Variants in GPC4 observed in about 807,000 individuals in gnomAD.
The protein encoded by GPC4 is glypican-4.
A neutral mutation model predicts 35.0 loss-of-function variants in GPC4; 10 were observed. That is an observed-to-expected ratio of 0.29 (90% CI 0.18 to 0.48). The LOEUF is 0.48. GPC4 is among the 20% of genes least tolerant of loss of function. GPC4 has a pLI of 0.99. For synonymous variants in GPC4, 167 were observed against 170.2 expected, an observed-to-expected ratio of 0.98 and a Z score of 0.15; for missense variants, 322 against 451.3, an observed-to-expected ratio of 0.71 and a Z score of 2.60.
chrX:133,345,440 C>A (rs1441016219), intron 1 of GPC4, among the ~76,000 whole-genome samples: 5 of 112,295 alleles, frequency 4.5e-5, no homozygotes, highest in Non-Finnish European at 7.5e-5. Context: ...AAAAGCAGCA[C>A]CTTGTTAAGT....
intron 1 of GPC4, among the ~76,000 whole-genome samples, chrX:133,397,405 T>C (rs1230020533): frequency 1.8e-5 from 2 of 110,075 alleles, no homozygotes; most frequent in Non-Finnish European, 3.8e-5. Flanking sequence ...AAAAAATATA[T>C]AATTAGCCAG....
chrX:133,339,566 T>C (rs999773918), intron 1 of GPC4, among the ~76,000 whole-genome samples: 1 of 112,137 alleles, frequency 8.9e-6, no homozygotes, highest in South Asian at 3.7e-4. Flanking sequence ...ATCAGAGAGA[T>C]GGCTAAACCA....
At chrX:133,356,587 A>G (rs867531163) in intron 1 of GPC4, among the ~76,000 whole-genome samples, 1 of 110,877 alleles carries the variant, frequency 9.0e-6, no homozygotes, top group Admixed American at 9.6e-5. Flanking sequence ...GTTGGCAAAG[A>G]GCTTGGCACC....
At chrX:133,391,895 A>T (rs1378107475) in intron 1 of GPC4, among the ~76,000 whole-genome samples, 2 of 111,736 alleles carry the variant, frequency 1.8e-5, no homozygotes, top group Non-Finnish European at 3.8e-5. Flanking sequence ...ACAAACGACA[A>T]TCTAGGGAAG....
At chrX:133,402,719 C>A (rs1264173941) in intron 1 of GPC4, among the ~76,000 whole-genome samples, 1 of 110,663 alleles carries the variant, frequency 9.0e-6, no homozygotes, top group Non-Finnish European at 1.9e-5. Context: ...GCCTGGCTAA[C>A]ACGGTGAAAC....
intron 2 of GPC4, among the ~76,000 whole-genome samples, chrX:133,335,805 TAGAA>T (rs2068440465): frequency 8.9e-6 from 1 of 112,148 alleles, no homozygotes; most frequent in Non-Finnish European, 1.9e-5. Context: ...ATTTCTACCT[TAGAA>T]AGAAGTGGTA....
chrX:133,399,494 T>C (rs1251296436), intron 1 of GPC4, among the ~76,000 whole-genome samples: 1 of 111,775 alleles, frequency 8.9e-6, no homozygotes, highest in Non-Finnish European at 1.9e-5. Flanking sequence ...ATACTTCCTC[T>C]GAGTTTCCTG....
chrX:133,353,400 C>T (rs2068525352), intron 1 of GPC4, among the ~76,000 whole-genome samples: 1 of 111,986 alleles, frequency 8.9e-6, no homozygotes, highest in Admixed American at 9.5e-5. Flanking sequence ...AAATCTGGCC[C>T]ACAGACAAGC....
intron 1 of GPC4, among the ~76,000 whole-genome samples, chrX:133,388,429 G>A (rs1049597579): frequency 3.6e-5 from 4 of 112,123 alleles, no homozygotes; most frequent in African/African-American, 6.5e-5. Context: ...CTGAGCCCCT[G>A]TACTATATGT....
At chrX:133,412,139 A>G (rs1405269123) in intron 1 of GPC4, among the ~76,000 whole-genome samples, 3 of 111,772 alleles carry the variant, frequency 2.7e-5, no homozygotes, top group African/African-American at 9.8e-5. Context: ...TCCCCATCCC[A>G]GGCAAAGTGC....
intron 1 of GPC4, among the ~76,000 whole-genome samples, chrX:133,372,406 T>C (rs1054606617): frequency 5.5e-5 from 6 of 109,824 alleles, no homozygotes; most frequent in African/African-American, 1.7e-4. Flanking sequence ...TCATGCCAGC[T>C]CTGAAAAGAG....
rs966660636 is a variant in GPC4 at position 133,339,127 on chromosome X, A to T, written c.319+56T>A. On this transcript the variant is annotated intron_variant, in intron 2 of 8. Coordinates refer to ENST00000370828, the MANE Select transcript of GPC4 (RefSeq NM_001448.3). ...CACTGAGGGAGCAGAGGAGCTGTGAAAAAGCTACAGTACAGACCTAACTGC... is the reference window on the plus strand; with the variant it reads ...CACTGAGGGAGCAGAGGAGCTGTGATAAAGCTACAGTACAGACCTAACTGC... 30 of 1,137,228 alleles carry T rather than the reference A, an allele frequency of 2.6e-5. No individual in the cohort carries two copies. The African/African-American group carries it at 4.9e-4, about 18-fold the overall frequency. 93.7% of individuals were successfully genotyped at this position (1,137,228 alleles called of 1,213,427 possible).
chrX:133,319,759 T>C (rs934703818), intron 3 of GPC4, among the ~76,000 whole-genome samples: 1 of 111,648 alleles, frequency 9.0e-6, no homozygotes, highest in African/African-American at 3.3e-5. Context: ...ATTAATCAAA[T>C]GAATTTTTCA....
chrX:133,306,436 T>C (rs1007986924), intron 4 of GPC4, among the ~76,000 whole-genome samples: 2 of 111,479 alleles, frequency 1.8e-5, no homozygotes, highest in East Asian at 2.8e-4. Context: ...ATACTGATTA[T>C]TCGTGTGTCA....
intron 1 of GPC4, among the ~76,000 whole-genome samples, chrX:133,396,991 G>C (rs984558188): frequency 8.9e-6 from 1 of 112,044 alleles, no homozygotes; most frequent in African/African-American, 3.2e-5. Flanking sequence ...CCAGCAGAGA[G>C]AGAAGCATGC....
At chrX:133,305,164 TCTC>T (rs2068285311) in intron 6 of GPC4, among the ~76,000 whole-genome samples, 1 of 111,604 alleles carries the variant, frequency 9.0e-6, no homozygotes, top group African/African-American at 3.3e-5. Context: ...TGCAGTCTCT[TCTC>T]CTAAGGCTTT....
intron 1 of GPC4, among the ~76,000 whole-genome samples, chrX:133,378,985 C>G (rs1348129078): frequency 8.9e-6 from 1 of 112,367 alleles, no homozygotes; most frequent in Non-Finnish European, 1.9e-5. Context: ...GACGTGGGTT[C>G]ACTTCATACA....
intron 3 of GPC4, among the ~76,000 whole-genome samples, chrX:133,318,266 T>C (rs2068347829): frequency 8.9e-6 from 1 of 112,339 alleles, no homozygotes; most frequent in Non-Finnish European, 1.9e-5. Flanking sequence ...AAGCTTTTTG[T>C]ATTGACTATT....
chrX:133,404,866 A>AAAG (rs1556037571), intron 1 of GPC4, among the ~76,000 whole-genome samples: 31 of 89,274 alleles, frequency 3.5e-4, no homozygotes, highest in African/African-American at 1.6e-3. Flanking sequence ...AAAAAAAAAA[A>AAAG]AAGGTGCAGA....
Sources: gnomAD v4.1 joint callset for allele counts (sites outside exome capture counted in the v4.1 genomes callset) on GRCh38, gnomAD v4.1.1 for gene constraint, MANE v1.5 for transcripts, NCBI Gene and HGNC (gene_info 2026-07-23, HGNC 2026-07-21) for gene names.